The following GOLT1A variants were observed in gnomAD, a reference collection of about 807,000 sequenced individuals.
The protein encoded by GOLT1A is vesicle transport protein GOT1A.
Under a neutral mutation model 16.1 loss-of-function variants are expected in GOLT1A, and 10 were observed. The observed-to-expected ratio is 0.62, with a 90% CI of 0.38 to 1.05. The LOEUF (loss-of-function observed/expected upper bound fraction) is 1.05, where lower values mean the gene tolerates loss of function less well. Among genes scored for constraint, GOLT1A ranks in the 50% least tolerant of loss-of-function variants. The pLI is 0.01. For synonymous variants in GOLT1A, 60 were observed against 67.9 expected (o/e 0.88, Z 0.57); for missense variants, 137 against 165.7 (o/e 0.83, Z 0.95).
intron 1 of GOLT1A, among the ~76,000 whole-genome samples, chr1:204,206,389 A>G (rs1250108364): frequency 2.6e-5 from 4 of 152,232 alleles, no homozygotes; most frequent in African/African-American, 7.2e-5. Context: ...TCAGCAGAAT[A>G]TCACCCCCAT....
chr1:204,213,607 C>T (rs1237986408), intron 1 of GOLT1A, among the ~76,000 whole-genome samples: 1 of 152,198 alleles, frequency 6.6e-6, no homozygotes, highest in African/African-American at 2.4e-5. Context: ...TCTAAGAACC[C>T]GGGATGGGAA....
chr1:204,198,211 T>TAGAGTG lies in GOLT1A; in HGVS notation c.*241_*246dup, dbSNP rs964446280. The TAGAGTG allele has an allele frequency of 2.2e-5, 11 of 504,426 alleles. No individual in the cohort carries two copies. The African/African-American group carries it at 2.2e-4, about 10-fold the overall frequency. The allele number at this position is 504,426 out of a possible 1,614,324, so 31.2% of individuals were successfully genotyped here. A position where few individuals can be genotyped will look rare whatever the true frequency, so the allele number is the denominator to read the frequency against. ...ATCTTCACTTTTCCTCCCATAAATA[T>TAGAGTG]AGAGTGAGGGTGTGATACCAGCCCC... On this transcript the variant is annotated 3_prime_UTR_variant, in exon 5 of 5. Coordinates refer to ENST00000308302, the MANE Select transcript of GOLT1A (RefSeq NM_198447.2).
chr1:204,206,184 T>G (rs1017080825), intron 1 of GOLT1A, among the ~76,000 whole-genome samples: 1 of 152,242 alleles, frequency 6.6e-6, no homozygotes, highest in African/African-American at 2.4e-5. Flanking sequence ...ATCTCACTTT[T>G]GGCAGAAGCT....
chr1:204,203,052 C>T (rs1378685636), intron 1 of GOLT1A, 65 bp from the exon 2 acceptor site: 3 of 1,260,794 alleles, frequency 2.4e-6, no homozygotes, highest in South Asian at 1.2e-5. Flanking sequence ...CCTGAAACTT[C>T]CCCCATTGCC....
rs1359567749 is a variant in GOLT1A, at chr1:204,198,425, A to C, written c.*33T>G. On this transcript the variant is annotated 3_prime_UTR_variant, in exon 5 of 5. Coordinates refer to ENST00000308302, the MANE Select transcript of GOLT1A (RefSeq NM_198447.2). ...ATTCTCCCTCTAGCCCCCTCAACCA[A>C]TGATCCAAGTTCAAGGAGCTCATCT... 1.9e-6 allele frequency: 3 copies of C among 1,608,332 alleles called. No homozygotes were observed. Among genetic ancestry groups the C allele is most frequent in the Non-Finnish European group, 2.6e-6 (3 of 1,175,130 alleles).
chr1:204,210,406 C>A (rs1181844542), intron 1 of GOLT1A, among the ~76,000 whole-genome samples: 1 of 152,134 alleles, frequency 6.6e-6, no homozygotes, highest in South Asian at 2.1e-4. Context: ...CACATGTATT[C>A]CCATGTGTTT....
At chr1:204,199,090 G>C in intron 4 of GOLT1A, 105 bp downstream of exon 4, 1 of 973,510 alleles carries the variant, frequency 1.0e-6, no homozygotes. Context: ...GGGAGACAGG[G>C]GAGAGGCCAC....
At chr1:204,206,821 A>T (rs899902224) in intron 1 of GOLT1A, among the ~76,000 whole-genome samples, 3 of 152,264 alleles carry the variant, frequency 2.0e-5, no homozygotes, top group African/African-American at 4.8e-5. Context: ...ACATTCACAC[A>T]TGATGTCCAT....
chr1:204,198,388 G>T lies in GOLT1A; in HGVS notation c.*70C>A, dbSNP rs778975818. 3.0e-5 allele frequency: 42 copies of T among 1,407,960 alleles called. 1 individual carries two copies. Among genetic ancestry groups the T allele is most frequent in the Non-Finnish European group, 4.1e-5 (41 of 994,756 alleles). 87.2% of individuals were successfully genotyped at this position (1,407,960 alleles called of 1,614,324 possible). On this transcript the variant is annotated 3_prime_UTR_variant, in exon 5 of 5. Transcript: ENST00000308302. ...GAGTGAGTCAGTGCAGGGGACTGAG[G>T]GGGTGGTTCCCATTCTCCCTCTAGC...
intron 1 of GOLT1A, among the ~76,000 whole-genome samples, chr1:204,209,737 T>C (rs1364166919): frequency 6.6e-6 from 1 of 152,158 alleles, no homozygotes; most frequent in East Asian, 1.9e-4. Context: ...AGAAGCAGGA[T>C]TTGAACTTAG....
rs145403060 is a variant in GOLT1A, at chr1:204,203,031, C to T, written c.26-44G>A. 26 of 1,522,442 alleles carry T rather than the reference C, an allele frequency of 1.7e-5. No individual in the cohort carries two copies. The East Asian group carries it at 5.2e-4, about 30-fold the overall frequency. 94.3% of individuals were successfully genotyped at this position (1,522,442 alleles called of 1,614,324 possible). A position where few individuals can be genotyped will look rare whatever the true frequency, so the allele number is the denominator to read the frequency against. On this transcript the variant is annotated intron_variant, in intron 1 of 4. Coordinates refer to ENST00000308302, the MANE Select transcript of GOLT1A (RefSeq NM_198447.2). ...TGGTGGAGGAAAGGGCTTTGGGGAGCAGGTGGGGACCCTGAAACTTCCCCC... is the reference window on the plus strand; with the variant it reads ...TGGTGGAGGAAAGGGCTTTGGGGAGTAGGTGGGGACCCTGAAACTTCCCCC...
At chr1:204,208,618 C>T (rs1294422113) in intron 1 of GOLT1A, among the ~76,000 whole-genome samples, 5 of 151,118 alleles carry the variant, frequency 3.3e-5, no homozygotes, top group East Asian at 3.9e-4. Flanking sequence ...GAAAAGCAAA[C>T]ATCATATGTT....
At chr1:204,199,039 A>G (rs1313291237) in intron 4 of GOLT1A, 156 bp downstream of exon 4, 9 of 628,884 alleles carry the variant, frequency 1.4e-5, no homozygotes, top group Non-Finnish European at 2.3e-5. Context: ...TGCGGGGGGA[A>G]GAGGAGCCTA....
intron 1 of GOLT1A, among the ~76,000 whole-genome samples, chr1:204,203,810 A>G (rs959674255): frequency 6.7e-6 from 1 of 150,342 alleles, no homozygotes; most frequent in African/African-American, 2.5e-5. Flanking sequence ...TTTGACAGTG[A>G]GCCCCCATTC....
intron 3 of GOLT1A, among the ~76,000 whole-genome samples, chr1:204,201,381 C>A (rs1658954701): frequency 6.6e-6 from 1 of 152,232 alleles, no homozygotes; most frequent in African/African-American, 2.4e-5. Context: ...CCTCGTGTCT[C>A]TTCCCTGCTC....
At chr1:204,210,960 A>G (rs1659128221) in intron 1 of GOLT1A, among the ~76,000 whole-genome samples, 1 of 150,960 alleles carries the variant, frequency 6.6e-6, no homozygotes, top group Non-Finnish European at 1.5e-5. Flanking sequence ...ACATGTCACC[A>G]CCGCCCACCC....
chr1:204,200,102 T>C (rs1341857519), intron 3 of GOLT1A, among the ~76,000 whole-genome samples: 1 of 151,904 alleles, frequency 6.6e-6, no homozygotes, highest in Non-Finnish European at 1.5e-5. Context: ...CCCACTCCAC[T>C]TTCTAAGCCC....
chr1:204,202,060 C>A (rs1658971968), intron 2 of GOLT1A, among the ~76,000 whole-genome samples: 1 of 152,112 alleles, frequency 6.6e-6, no homozygotes, highest in South Asian at 2.1e-4. Context: ...CTACCCAATT[C>A]CCTGGAGCCC....
At chr1:204,201,585 T>C in intron 3 of GOLT1A, 48 bp downstream of exon 3, 7 of 1,583,514 alleles carry the variant, frequency 4.4e-6, no homozygotes, top group Non-Finnish European at 6.0e-6. Context: ...TCTCAGCCAC[T>C]CAGACACTTT....
Sources: allele counts gnomAD v4.1 joint callset (sites outside exome capture counted in the v4.1 genomes callset), GRCh38; gene constraint gnomAD v4.1.1; transcripts MANE v1.5; gene names NCBI Gene and HGNC (gene_info 2026-07-23, HGNC 2026-07-21).